Variants in ZNF234 observed in about 807,000 individuals in gnomAD.
ZNF234 encodes C2-H2 type zinc finger protein.
ZNF234 carries 4 observed loss-of-function variants against 10.3 expected under a neutral mutation model. That is an observed-to-expected ratio of 0.39 (90% CI 0.19 to 0.89). ZNF234 has a LOEUF of 0.89. Ranked by LOEUF, ZNF234 falls within the 40% of genes least tolerant of loss-of-function variation. The pLI is 0.38. For synonymous variants in ZNF234, 258 were observed against 280.1 expected (o/e 0.92, Z 0.79); for missense variants, 711 against 836.1 (o/e 0.85, Z 1.85).
chr19:44,157,139 A>T lies in ZNF234; in HGVS notation c.1123A>T (p.Lys375Ter). The change falls in exon 6 of 6, where the codon AAA (lysine) becomes TAA (stop). Residue 375 changes from lysine (K) to a stop codon, truncating the protein, a stop_gained. Transcript: ENST00000426739. LOFTEE classifies it low-confidence loss of function (END_TRUNC). Reference protein sequence around the residue: ...IHTGEKPYVCKVCGKGFIYSS... With the variant: ...IHTGEKPYVC The stretch of plus-strand genomic sequence containing the variant: ...CACTGGAGAGAAACCATACGTATGT[A>T]AAGTGTGTGGTAAGGGTTTCATTTA... 6.2e-7 allele frequency: 1 copy of T among 1,614,046 alleles called. No individual in the cohort carries two copies. Among genetic ancestry groups the T allele is most frequent in the Non-Finnish European group, 8.5e-7 (1 of 1,179,982 alleles).
intron 5 of ZNF234, 78 bp from the exon 6 acceptor site, chr19:44,156,174 C>A: frequency 7.5e-7 from 1 of 1,331,432 alleles, no homozygotes; most frequent in Non-Finnish European, 1.0e-6. Context: ...TTGTTAAAAT[C>A]GCATGCTCTC....
chr19:44,146,884 C>T (rs1159334278), intron 3 of ZNF234, among the ~76,000 whole-genome samples: 5 of 142,966 alleles, frequency 3.5e-5, no homozygotes, highest in South Asian at 2.2e-4. Flanking sequence ...GGTACGATCA[C>T]GGCTCACTGC....
chr19:44,156,934 T>C lies in ZNF234; in HGVS notation c.918T>C (p.His306=). 6.2e-7 allele frequency: 1 copy of C among 1,614,204 alleles called. No individual in the cohort carries two copies. Among genetic ancestry groups the C allele is most frequent in the Non-Finnish European group, 8.5e-7 (1 of 1,180,028 alleles). The change falls in exon 6 of 6, where the codon CAT becomes CAC. Residue 306 remains histidine (H), a synonymous_variant. Coordinates refer to ENST00000426739, the MANE Select transcript of ZNF234 (RefSeq NM_006630.3). The part of the protein sequence containing the change: ...NFRRRSALNN[H]CMVHTGEKPY... Reference sequence around the variant, plus strand: ...GTCGTAGATCAGCACTTAATAATCATTGCATGGTCCACACAGGAGAGAAAC... The same window carrying C: ...GTCGTAGATCAGCACTTAATAATCACTGCATGGTCCACACAGGAGAGAAAC...
chr19:44,147,388 C>T (rs1348985313), intron 3 of ZNF234, among the ~76,000 whole-genome samples: 1 of 151,812 alleles, frequency 6.6e-6, no homozygotes, highest in Non-Finnish European at 1.5e-5. Flanking sequence ...AGGCACACGC[C>T]ACCACATGCA....
intron 2 of ZNF234, among the ~76,000 whole-genome samples, chr19:44,142,925 T>G (rs1968499359): frequency 6.6e-6 from 1 of 152,220 alleles, no homozygotes; most frequent in Non-Finnish European, 1.5e-5. Context: ...TTATATTACT[T>G]ATAAATGTTT....
rs1968920522 is a variant in ZNF234, at chr19:44,157,351, C to G, written c.1335C>G (p.Ile445Met). The G allele has an allele frequency of 6.2e-7, 1 of 1,613,768 alleles. No homozygotes were observed. ...KAFRQSSYLK[I>M]HLKAHSVQKP... ...TCCGTCAGAGTTCATATCTTAAAAT[C>G]CATCTGAAAGCACATAGTGTACAGA... The change falls in exon 6 of 6, where the codon ATC becomes ATG. Residue 445 changes from isoleucine (I) to methionine (M), a missense_variant. Coordinates refer to ENST00000426739, the MANE Select transcript of ZNF234 (RefSeq NM_006630.3).
chr19:44,148,687 C>G (rs575006899), intron 3 of ZNF234, 84 bp from the exon 4 acceptor site: 15 of 1,587,864 alleles, frequency 9.4e-6, no homozygotes, highest in African/African-American at 6.7e-5. Context: ...ACCAGCTCCC[C>G]CTACATACTC....
rs779895567 is a variant in ZNF234, at chr19:44,156,507, A to G, written c.491A>G (p.Asp164Gly). The change falls in exon 6 of 6, where the codon GAT becomes GGT. Residue 164 changes from aspartate (D) to glycine (G), a missense_variant. By Grantham distance (94) the Asp-to-Gly change is moderately conservative. Transcript: ENST00000426739. Reference sequence around the variant, plus strand: ...TCCTTCACTGATGTCTTCAACTTTGATCTTCATCAACAGTTACACTCAGGA... The same window carrying G: ...TCCTTCACTGATGTCTTCAACTTTGGTCTTCATCAACAGTTACACTCAGGA... Reference protein sequence around the residue: ...KKSFTDVFNFDLHQQLHSGEK... With the variant: ...KKSFTDVFNFGLHQQLHSGEK... 2 of 1,614,232 alleles carry G rather than the reference A, an allele frequency of 1.2e-6. No individual in the cohort carries two copies. The highest frequency in any genetic ancestry group is 1.7e-6 in the Non-Finnish European group (2 of 1,180,020).
At chr19:44,154,584 A>G (rs1325801454) in intron 5 of ZNF234, among the ~76,000 whole-genome samples, 1 of 150,296 alleles carries the variant, frequency 6.7e-6, no homozygotes, top group African/African-American at 2.4e-5. Context: ...CATTTAACAA[A>G]TGTCTACTGA....
At position 44,156,562 on chromosome 19, in the gene ZNF234, A is replaced by G. The variant is rs771299022; in HGVS notation, c.546A>G (p.Gly182=). 1.9e-6 allele frequency: 3 copies of G among 1,614,114 alleles called. No individual in the cohort carries two copies. Among genetic ancestry groups the G allele is most frequent in the Admixed American group, 3.3e-5 (2 of 60,020 alleles). The part of the protein sequence containing the change: ...GEKSHTCDEC[G]KSFCYISALH... ...AGTCTCATACATGTGATGAGTGTGG[A>G]AAAAGCTTCTGTTACATCTCAGCCC... is the stretch of plus-strand genomic sequence containing the variant. The change falls in exon 6 of 6, where the codon GGA becomes GGG. Residue 182 remains glycine (G), a synonymous_variant. Coordinates refer to ENST00000426739, the MANE Select transcript of ZNF234 (RefSeq NM_006630.3).
In ZNF234 at chr19:44,157,688, C is replaced by T. The variant is rs1187641840; in HGVS notation, c.1672C>T (p.His558Tyr). 2 of 1,613,804 alleles carry T rather than the reference C, an allele frequency of 1.2e-6. No individual in the cohort carries two copies. Among genetic ancestry groups the T allele is most frequent in the African/African-American group, 2.7e-5 (2 of 74,792 alleles). ...SFSRSAHLQA[H>Y]QKVHTGEKPY... is the part of the protein sequence containing the mutation. ...CAGTCGGAGTGCACACCTTCAAGCC[C>T]ATCAAAAAGTCCACACTGGAGAAAA... The change falls in exon 6 of 6, where the codon CAT becomes TAT. Residue 558 changes from histidine (H) to tyrosine (Y), a missense_variant. His to Tyr is a moderately conservative substitution (Grantham distance 83). Transcript: ENST00000426739.
chr19:44,159,461 A>G lies in ZNF234; in HGVS notation c.*1342A>G. ...CAGTGTTAAATTACAGGCGTAAGCCACCACACCCGGCCAAGTTGAAGTATA... is the reference window on the plus strand; with the variant it reads ...CAGTGTTAAATTACAGGCGTAAGCCGCCACACCCGGCCAAGTTGAAGTATA... On this transcript the variant is annotated 3_prime_UTR_variant, in exon 6 of 6. Transcript: ENST00000426739. 1 of 301,858 alleles carries G rather than the reference A, an allele frequency of 3.3e-6. No homozygotes were observed. 18.7% of individuals were successfully genotyped at this position (301,858 alleles called of 1,614,324 possible).
At position 44,159,849 on chromosome 19, in the gene ZNF234, C is replaced by G. The variant is rs1968993110; in HGVS notation, c.*1730C>G. On this transcript the variant is annotated 3_prime_UTR_variant, in exon 6 of 6. Coordinates refer to ENST00000426739, the MANE Select transcript of ZNF234 (RefSeq NM_006630.3). ...AGGACTTAGAGACCAGCCTGACCAA[C>G]ATGGTGAAACCCCATCTCTACTAAA... 1 of 204,422 alleles carries G rather than the reference C, an allele frequency of 4.9e-6. No homozygotes were observed. Among genetic ancestry groups the G allele is most frequent in the African/African-American group, 2.3e-5 (1 of 43,542 alleles). 12.7% of individuals were successfully genotyped at this position (204,422 alleles called of 1,614,324 possible). A position where few individuals can be genotyped will look rare whatever the true frequency, so the allele number is the denominator to read the frequency against.
chr19:44,152,719 A>G lies in ZNF234; in HGVS notation c.235+2214A>G, dbSNP rs539513576. 7.2e-5 allele frequency among the ~76,000 whole-genome samples: 11 copies of G among 152,264 alleles called. No homozygotes were observed. The South Asian group carries it at 2.3e-3, about 32-fold the overall frequency. On this transcript the variant is annotated intron_variant, in intron 5 of 5. Coordinates refer to ENST00000426739, the MANE Select transcript of ZNF234 (RefSeq NM_006630.3). ...CCCCACAAGAAGATAACTATTTCCT[A>G]AGGTGTCAGATAGTAACTAGGTTGC...
intron 3 of ZNF234, 80 bp downstream of exon 3, chr19:44,144,727 G>A (rs530152751): frequency 1.1e-5 from 15 of 1,360,456 alleles, no homozygotes; most frequent in African/African-American, 4.3e-5. Context: ...CAAGAACAAC[G>A]GGCATTTGAG....
Position 44,158,218 on chromosome 19 carries a change from T to C in ZNF234, c.*99T>C. ...CTTTATCAACCTCTTTGAATTTATTTGATTTGTAACGCTCCACATTTCCAC... is the reference window on the plus strand; with the variant it reads ...CTTTATCAACCTCTTTGAATTTATTCGATTTGTAACGCTCCACATTTCCAC... On this transcript the variant is annotated 3_prime_UTR_variant, in exon 6 of 6. Transcript: ENST00000426739. 2 of 1,289,796 alleles carry C rather than the reference T, an allele frequency of 1.6e-6. No homozygotes were observed. Among genetic ancestry groups the C allele is most frequent in the Non-Finnish European group, 2.2e-6 (2 of 900,418 alleles). The allele number at this position is 1,289,796 out of a possible 1,614,324, so 79.9% of individuals were successfully genotyped here.
At chr19:44,153,190 A>G (rs1249614630) in intron 5 of ZNF234, among the ~76,000 whole-genome samples, 1 of 145,850 alleles carries the variant, frequency 6.9e-6, no homozygotes, top group Non-Finnish European at 1.5e-5. Flanking sequence ...ATATATATAT[A>G]TGCGCCAAGA....
intron 4 of ZNF234, among the ~76,000 whole-genome samples, chr19:44,149,404 C>T (rs943509360): frequency 5.9e-5 from 9 of 151,932 alleles, no homozygotes; most frequent in East Asian, 1.9e-4. Context: ...GCCTAGATCA[C>T]GCCACTGCAC....
In ZNF234 at chr19:44,157,783, G is replaced by A; in HGVS notation, c.1767G>A (p.Val589=). Residue 589 remains valine (V), a synonymous_variant, in exon 6 of 6, where the codon GTG becomes GTA. Coordinates refer to ENST00000426739, the MANE Select transcript of ZNF234 (RefSeq NM_006630.3). ...WSLNLDMHQR[V]HTGEKPYTCG... is the part of the protein sequence containing the mutation. ...TGAACCTTGACATGCATCAGAGGGT[G>A]CACACAGGAGAAAAACCCTATACAT... The A allele has an allele frequency of 6.2e-7, 1 of 1,612,832 alleles. No individual in the cohort carries two copies.
Sources: gnomAD v4.1 joint callset for allele counts (sites outside exome capture counted in the v4.1 genomes callset) on GRCh38, gnomAD v4.1.1 for gene constraint, MANE v1.5 for transcripts, NCBI Gene and HGNC (gene_info 2026-07-23, HGNC 2026-07-21) for gene names.